The following ATP8B4 variants were observed in gnomAD, a reference collection of about 807,000 sequenced individuals.
ATP8B4 encodes ATPase phospholipid transporting 8B4 (putative), also known as probable phospholipid-transporting ATPase IM.
Under a neutral mutation model 145.6 loss-of-function variants are expected in ATP8B4, and 133 were observed. The observed-to-expected ratio is 0.91, with a 90% CI of 0.79 to 1.05. ATP8B4 has a LOEUF of 1.05. Among genes scored for constraint, ATP8B4 ranks in the 50% least tolerant of loss-of-function variants. The pLI is 0.00. For missense variants in ATP8B4, 1,458 were observed against 1,425.2 expected, an observed-to-expected ratio of 1.02 and a Z score of -0.37; for synonymous variants, 507 against 492.9, an observed-to-expected ratio of 1.03 and a Z score of -0.38.
chr15:49,889,614 AG>A (rs1384785324), intron 23 of ATP8B4, among the ~76,000 whole-genome samples: 6 of 152,168 alleles, frequency 3.9e-5, no homozygotes, highest in Admixed American at 6.5e-5. Flanking sequence ...GCCTTCTTGA[AG>A]CCTTGCACAC....
intron 1 of ATP8B4, among the ~76,000 whole-genome samples, chr15:50,164,192 A>G (rs533095794): frequency 1.3e-5 from 2 of 151,918 alleles, no homozygotes; most frequent in African/African-American, 4.8e-5. Context: ...TTTTCCCTCA[A>G]ACAGAATGAG....
chr15:50,059,357 C>A (rs375022754), intron 3 of ATP8B4, among the ~76,000 whole-genome samples: 7 of 152,086 alleles, frequency 4.6e-5, no homozygotes, highest in Non-Finnish European at 7.4e-5. Context: ...GCCACTTCTA[C>A]GGGAACAATT....
intron 3 of ATP8B4, among the ~76,000 whole-genome samples, chr15:50,065,341 T>C (rs553334514): frequency 1.2e-4 from 19 of 152,308 alleles, no homozygotes; most frequent in African/African-American, 4.3e-4. Flanking sequence ...ACATAAATGA[T>C]TTGATCTTTC....
At chr15:49,979,033 G>A (rs1173954456) in intron 12 of ATP8B4, among the ~76,000 whole-genome samples, 1 of 151,984 alleles carries the variant, frequency 6.6e-6, no homozygotes, top group Non-Finnish European at 1.5e-5. Flanking sequence ...ACTAATAATA[G>A]GAAAAGCTAA....
At chr15:50,096,795 A>C (rs1293838151) in intron 2 of ATP8B4, among the ~76,000 whole-genome samples, 1 of 152,202 alleles carries the variant, frequency 6.6e-6, no homozygotes, top group East Asian at 1.9e-4. Context: ...TTTCTCTCTC[A>C]TCTCTAGTGG....
rs573660581 is a variant in ATP8B4 at position 49,936,517 on chromosome 15, G to A, written c.1288-2335C>T. ...TTGTGTTGCTGATGGTAAATCTGATGTTAGTCTGACTTTCATCTTTTGGTA... is the reference window on the plus strand; with the variant it reads ...TTGTGTTGCTGATGGTAAATCTGATATTAGTCTGACTTTCATCTTTTGGTA... On this transcript the variant is annotated intron_variant, in intron 14 of 27. Coordinates refer to ENST00000284509, the MANE Select transcript of ATP8B4 (RefSeq NM_024837.4). 3.3e-5 allele frequency among the ~76,000 whole-genome samples: 5 copies of A among 152,214 alleles called. No homozygotes were observed. In the East Asian group the frequency reaches 9.7e-4, roughly 29 times the overall value.
chr15:50,086,204 AAT>A (rs1167407580), intron 2 of ATP8B4, among the ~76,000 whole-genome samples: 1 of 109,192 alleles, frequency 9.2e-6, no homozygotes, highest in Non-Finnish European at 1.7e-5. Context: ...ATAATAAAAT[AAT>A]ATAGAGATCT....
chr15:50,041,413 T>C (rs1391968036), intron 5 of ATP8B4, among the ~76,000 whole-genome samples: 1 of 152,244 alleles, frequency 6.6e-6, no homozygotes, highest in Non-Finnish European at 1.5e-5. Context: ...AAAGCATGTC[T>C]GGTTGATAAG....
At chr15:49,879,265 C>T in intron 24 of ATP8B4, 111 bp downstream of exon 24, 1 of 967,450 alleles carries the variant, frequency 1.0e-6, no homozygotes, top group Non-Finnish European at 1.5e-6. Context: ...GCAACTAAAA[C>T]AACTGCATTC....
In ATP8B4 at chr15:49,954,618, A is replaced by G. The variant is rs75347960; in HGVS notation, c.1287+7359T>C. On this transcript the variant is annotated intron_variant, in intron 14 of 27. Coordinates refer to ENST00000284509, the MANE Select transcript of ATP8B4 (RefSeq NM_024837.4). ...TCAGAGAAATGCAAATCAAAATCATAACGAGATACCATCTCACACCAGTCA... is the reference window on the plus strand; with the variant it reads ...TCAGAGAAATGCAAATCAAAATCATGACGAGATACCATCTCACACCAGTCA... Among the ~76,000 whole-genome samples, 1,007 of 152,324 alleles carry G rather than the reference A, an allele frequency of 6.6e-3. 12 individuals are homozygous for G. The highest frequency in any genetic ancestry group is 0.023 in the African/African-American group (968 of 41,578).
At chr15:49,954,075 T>C (rs554970066) in intron 14 of ATP8B4, among the ~76,000 whole-genome samples, 1 of 115,192 alleles carries the variant, frequency 8.7e-6, no homozygotes, top group African/African-American at 2.8e-5. Flanking sequence ...TTATTATGGC[T>C]TTTTTTATGG....
At chr15:50,178,898 A>G (rs2044803304) in intron 1 of ATP8B4, among the ~76,000 whole-genome samples, 1 of 152,212 alleles carries the variant, frequency 6.6e-6, no homozygotes, top group South Asian at 2.1e-4. Flanking sequence ...TCTTACTAGA[A>G]AAATTAAGAA....
At chr15:49,964,510 C>T (rs894265885) in intron 13 of ATP8B4, among the ~76,000 whole-genome samples, 2 of 152,106 alleles carry the variant, frequency 1.3e-5, no homozygotes, top group Non-Finnish European at 2.9e-5. Context: ...CCAAGGCCTA[C>T]ATCTGTGATA....
intron 2 of ATP8B4, among the ~76,000 whole-genome samples, chr15:50,076,085 T>A (rs999776775): frequency 1.3e-5 from 2 of 152,246 alleles, no homozygotes; most frequent in African/African-American, 4.8e-5. Flanking sequence ...ATTCAGATGA[T>A]GATCCTTCTA....
At chr15:50,052,479 C>T (rs35829912) in intron 3 of ATP8B4, among the ~76,000 whole-genome samples, 31,846 of 152,144 alleles carry the variant, frequency 0.21, 3,845 homozygotes, top group Middle Eastern at 0.32. Context: ...AGTGCCTCCC[C>T]GTAAATGAAT....
chr15:50,168,452 G>A (rs1021080528), intron 1 of ATP8B4, among the ~76,000 whole-genome samples: 6 of 152,156 alleles, frequency 3.9e-5, no homozygotes, highest in African/African-American at 9.7e-5. Context: ...AGAGGTTTCC[G>A]AGGTTACTTG....
intron 13 of ATP8B4, among the ~76,000 whole-genome samples, chr15:49,968,421 G>C (rs1408008229): frequency 2.2e-5 from 1 of 45,002 alleles, no homozygotes; most frequent in Non-Finnish European, 4.0e-5. Context: ...ATAAAGGGAT[G>C]GAGGAATATT....
intron 12 of ATP8B4, among the ~76,000 whole-genome samples, chr15:49,978,862 CAGAG>C (rs148833032): frequency 0.057 from 8,377 of 148,216 alleles, 293 homozygotes; most frequent in Middle Eastern, 0.11. Flanking sequence ...TGTGCATAGA[CAGAG>C]AGGCAAAAAG....
intron 2 of ATP8B4, among the ~76,000 whole-genome samples, chr15:50,094,836 T>C (rs1459977574): frequency 6.6e-6 from 1 of 151,888 alleles, no homozygotes; most frequent in Non-Finnish European, 1.5e-5. Context: ...GACCCTTTCA[T>C]GGTTTTTCTG....
Sources: allele counts gnomAD v4.1 joint callset (sites outside exome capture counted in the v4.1 genomes callset), GRCh38; gene constraint gnomAD v4.1.1; transcripts MANE v1.5; gene names NCBI Gene and HGNC (gene_info 2026-07-23, HGNC 2026-07-21).